The following TJP1 variants were observed in gnomAD, a reference collection of about 807,000 sequenced individuals.
The protein encoded by TJP1 is tight junction protein 1.
A neutral mutation model predicts 194.2 loss-of-function variants in TJP1; 43 were observed. The observed-to-expected ratio is 0.22, with a 90% CI of 0.17 to 0.29. TJP1 has a LOEUF of 0.29. Among genes scored for constraint, TJP1 ranks in the 10% least tolerant of loss-of-function variants. The pLI, the probability that TJP1 is intolerant of heterozygous loss-of-function variation, is 1.00. For synonymous variants in TJP1, 801 were observed against 779.0 expected, an observed-to-expected ratio of 1.03 and a Z score of -0.47; for missense variants, 1,971 against 2,185.7, an observed-to-expected ratio of 0.90 and a Z score of 1.96.
At chr15:29,807,156 T>A (rs1358887415) in intron 1 of TJP1, among the ~76,000 whole-genome samples, 1 of 152,134 alleles carries the variant, frequency 6.6e-6, no homozygotes, top group Admixed American at 6.5e-5. Context: ...AAACAAATGA[T>A]GAGATGGATA....
chr15:29,826,422 C>G (rs1347821071), upstream of TJP1, among the ~76,000 whole-genome samples: 1 of 152,182 alleles, frequency 6.6e-6, no homozygotes, highest in African/African-American at 2.4e-5. Flanking sequence ...AGCTTCTCCA[C>G]TCTGATCTAC....
At chr15:29,841,909 T>G (rs1239396340) in intron 2 of TJP1, among the ~76,000 whole-genome samples, 1 of 152,188 alleles carries the variant, frequency 6.6e-6, no homozygotes, top group African/African-American at 2.4e-5. Context: ...TCATCATAAC[T>G]GGGGCTTTTT....
chr15:29,705,496 T>A (rs1410443560), intron 26 of TJP1, 32 bp downstream of exon 26: 23 of 1,608,216 alleles, frequency 1.4e-5, no homozygotes, highest in Non-Finnish European at 1.9e-5. Context: ...TCTTAAGTTA[T>A]CAAAACTAAG....
intron 2 of TJP1, among the ~76,000 whole-genome samples, chr15:29,890,798 T>C (rs2053279577): frequency 8.6e-6 from 1 of 115,664 alleles, no homozygotes; most frequent in African/African-American, 3.3e-5. Context: ...CTACATCTAC[T>C]GTTAAAAAAA....
intron 2 of TJP1, among the ~76,000 whole-genome samples, chr15:29,951,447 C>T (rs140562483): frequency 3.0e-4 from 45 of 152,152 alleles, no homozygotes; most frequent in African/African-American, 1.1e-3. Context: ...GGATTACAGG[C>T]ATGAACCTCC....
intron 1 of TJP1, among the ~76,000 whole-genome samples, chr15:29,964,491 T>C (rs1020128545): frequency 2.6e-5 from 4 of 151,900 alleles, no homozygotes; most frequent in East Asian, 3.9e-4. Context: ...AGAGAATGGA[T>C]TGATGCAGCC....
chr15:29,864,237 CAAAAAA>C lies in TJP1; in HGVS notation c.307-63541_307-63536del, dbSNP rs397975539. On this transcript the variant is annotated intron_variant, in intron 2 of 28. Transcript: ENST00000356107. ...TGAAACCCCGTCTCTACTAAAAATACAAAAAAAAAAAAAAAAAAAAAAAAAAAGCTG... is the reference window on the plus strand; with the variant it reads ...TGAAACCCCGTCTCTACTAAAAATACAAAAAAAAAAAAAAAAAAAAAGCTG... Among the ~76,000 whole-genome samples, 182 of 18,936 alleles carry C rather than the reference CAAAAAA, an allele frequency of 9.6e-3. 1 individual carries two copies. The highest frequency in any genetic ancestry group is 0.026 in the African/African-American group (173 of 6,656). The allele number at this position is 18,936 out of a possible 152,430, so 12.4% of individuals were successfully genotyped here.
At chr15:29,730,372 G>A (rs1423647009) in intron 15 of TJP1, among the ~76,000 whole-genome samples, 1 of 152,000 alleles carries the variant, frequency 6.6e-6, no homozygotes, top group African/African-American at 2.4e-5. Context: ...CTTGAGCCCA[G>A]GAGCTCAGGT....
intron 2 of TJP1, among the ~76,000 whole-genome samples, chr15:29,913,736 G>A (rs751944207): frequency 2.0e-5 from 3 of 152,112 alleles, no homozygotes; most frequent in Non-Finnish European, 4.4e-5. Flanking sequence ...GAAGTGTTGA[G>A]GGAGAGGAAG....
chr15:29,766,140 T>TA (rs1231059034), intron 5 of TJP1, 126 bp downstream of exon 5: 175 of 1,288,254 alleles, frequency 1.4e-4, no homozygotes, highest in Non-Finnish European at 1.6e-4. Flanking sequence ...GGATTTGACT[T>TA]ACAGTGATAG....
intron 1 of TJP1, among the ~76,000 whole-genome samples, chr15:29,961,076 C>T (rs2056137957): frequency 6.6e-6 from 1 of 152,090 alleles, no homozygotes; most frequent in Admixed American, 6.6e-5. Flanking sequence ...AGCTGCGTAC[C>T]TGTAACTCAG....
chr15:29,902,938 G>A (rs1187060129), intron 2 of TJP1, among the ~76,000 whole-genome samples: 1 of 152,084 alleles, frequency 6.6e-6, no homozygotes, highest in African/African-American at 2.4e-5. Context: ...GGAAGCTGAG[G>A]CAGGAGAATC....
intron 2 of TJP1, among the ~76,000 whole-genome samples, chr15:29,915,551 C>A (rs928306310): frequency 6.6e-6 from 1 of 152,172 alleles, no homozygotes; most frequent in Non-Finnish European, 1.5e-5. Flanking sequence ...GTAGATTTAG[C>A]TTTACTTGTT....
intron 1 of TJP1, among the ~76,000 whole-genome samples, chr15:29,809,978 T>C (rs1200912821): frequency 6.6e-6 from 1 of 152,248 alleles, no homozygotes; most frequent in Non-Finnish European, 1.5e-5. Context: ...ATGTTGAGTA[T>C]TCCATTCTAT....
intron 8 of TJP1, among the ~76,000 whole-genome samples, chr15:29,748,970 G>A (rs113924059): frequency 1.7e-4 from 2 of 11,530 alleles, no homozygotes; most frequent in Non-Finnish European, 4.3e-4. Context: ...GTGTGCGCGC[G>A]CGCGTTTGCT....
At chr15:29,756,505 G>A (rs1302103096) in intron 8 of TJP1, among the ~76,000 whole-genome samples, 1 of 152,130 alleles carries the variant, frequency 6.6e-6, no homozygotes, top group African/African-American at 2.4e-5. Context: ...ACAAAAGGAG[G>A]AGGCTGGATT....
intron 15 of TJP1, 104 bp from the exon 16 acceptor site, chr15:29,728,123 T>C: frequency 1.1e-6 from 1 of 896,788 alleles, no homozygotes; most frequent in Non-Finnish European, 1.8e-6. Flanking sequence ...GGATAGTACT[T>C]TGTTTGTGGA....
intron 1 of TJP1, among the ~76,000 whole-genome samples, chr15:29,816,933 T>C (rs754611006): frequency 2.2e-4 from 33 of 152,076 alleles, no homozygotes; most frequent in East Asian, 7.7e-4. Context: ...CCAAAAGCAA[T>C]TGCAACAAAA....
chr15:29,873,926 G>A (rs975509783), intron 2 of TJP1, among the ~76,000 whole-genome samples: 3 of 152,178 alleles, frequency 2.0e-5, no homozygotes, highest in African/African-American at 7.2e-5. Flanking sequence ...ATTGCACAAA[G>A]TACAGCATGA....
Sources: gnomAD v4.1 joint callset for allele counts (sites outside exome capture counted in the v4.1 genomes callset) on GRCh38, gnomAD v4.1.1 for gene constraint, MANE v1.5 for transcripts, NCBI Gene and HGNC (gene_info 2026-07-23, HGNC 2026-07-21) for gene names.